DCUN1D4: variants seen among roughly 807,000 people sequenced by gnomAD.
DCUN1D4 encodes the protein DCN1-like protein 4.
In DCUN1D4, 22 loss-of-function variants were observed where a neutral mutation model predicts 47.9. That is an observed-to-expected ratio of 0.46 (90% confidence interval 0.33 to 0.66). The LOEUF (loss-of-function observed/expected upper bound fraction) is 0.66, where lower values mean the gene tolerates loss of function less well. DCUN1D4 is among the 30% of genes least tolerant of loss of function. The pLI is 0.02. For synonymous variants in DCUN1D4, 121 were observed against 112.2 expected, an observed-to-expected ratio of 1.08 and a Z score of -0.50; for missense variants, 301 against 340.8, an observed-to-expected ratio of 0.88 and a Z score of 0.92.
At chr4:51,887,050 A>G (rs1227214099) in intron 6 of DCUN1D4, 2 of 453,144 alleles carry the variant, frequency 4.4e-6, no homozygotes, top group African/African-American at 4.0e-5. Flanking sequence ...GATTGTAATC[A>G]TCAAGAATTT....
intron 7 of DCUN1D4, among the ~76,000 whole-genome samples, chr4:51,897,829 A>G (rs1291354917): frequency 6.6e-6 from 1 of 152,244 alleles, no homozygotes; most frequent in Non-Finnish European, 1.5e-5. Context: ...AGTTTCTACA[A>G]TCAAAAAGAG....
intron 1 of DCUN1D4, among the ~76,000 whole-genome samples, chr4:51,855,923 C>G (rs1430328377): frequency 6.6e-6 from 1 of 152,154 alleles, no homozygotes; most frequent in Non-Finnish European, 1.5e-5. Flanking sequence ...ACAGTGCAGC[C>G]TTGGCTTTAA....
intron 1 of DCUN1D4, chr4:51,843,552 C>T (rs891721670): frequency 7.3e-6 from 9 of 1,232,488 alleles, no homozygotes; most frequent in Non-Finnish European, 9.0e-6. Flanking sequence ...GCTGGACGTG[C>T]GATGAAGGGC....
chr4:51,878,406 T>G (rs1728020091), intron 5 of DCUN1D4, among the ~76,000 whole-genome samples: 2 of 152,166 alleles, frequency 1.3e-5, no homozygotes, highest in South Asian at 4.1e-4. Flanking sequence ...AAGAAAAAAT[T>G]TTCAAACAAG....
chr4:51,894,469 T>A (rs909713940), intron 7 of DCUN1D4, among the ~76,000 whole-genome samples: 1 of 148,504 alleles, frequency 6.7e-6, no homozygotes, highest in African/African-American at 2.5e-5. Flanking sequence ...TTCCAGGCCC[T>A]AGGGAATCAA....
chr4:51,866,810 G>A (rs1021285490), intron 3 of DCUN1D4, among the ~76,000 whole-genome samples: 1 of 152,178 alleles, frequency 6.6e-6, no homozygotes. Flanking sequence ...CAGTGGATAC[G>A]TCCAATACTG....
chr4:51,905,260 T>C (rs1732700710), intron 8 of DCUN1D4: 1 of 450,002 alleles, frequency 2.2e-6, no homozygotes, highest in Non-Finnish European at 4.5e-6. Flanking sequence ...TGTAGGATGA[T>C]GAGATTGAGA....
At chr4:51,837,593 T>G in the DCUN1D4 span, among the ~76,000 whole-genome samples, 1 of 134,174 alleles carries the variant, frequency 7.5e-6, no homozygotes, top group African/African-American at 2.9e-5. Context: ...AGGCGGAGCT[T>G]GCAGTGAGCG....
chr4:51,913,237 C>T, intron 9 of DCUN1D4, 53 bp from the exon 10 acceptor site: 2 of 1,127,478 alleles, frequency 1.8e-6, no homozygotes, highest in South Asian at 2.9e-5. Flanking sequence ...TTGAAACCGT[C>T]CCATTTGTTC....
At chr4:51,835,512 C>A in the DCUN1D4 span, among the ~76,000 whole-genome samples, 1 of 152,156 alleles carries the variant, frequency 6.6e-6, no homozygotes, top group Non-Finnish European at 1.5e-5. Context: ...GTTTAGGAAC[C>A]ACTGAGGTTG....
rs1410715448 is a variant in DCUN1D4, at chr4:51,863,511, A to C, written c.96+4A>C. ...CTACCACACCCTTAATAAGCTGGTA[A>C]GTCATTCTTTTAAAGACAAAATTAC... On this transcript the variant is annotated splice_donor_region_variant and intron_variant, in intron 2 of 10. Coordinates refer to ENST00000334635, the MANE Select transcript of DCUN1D4 (RefSeq NM_001040402.3). 1 of 1,609,964 alleles carries C rather than the reference A, an allele frequency of 6.2e-7. No individual in the cohort carries two copies.
chr4:51,841,094 A>T (rs943697572), upstream of DCUN1D4, among the ~76,000 whole-genome samples: 29 of 152,322 alleles, frequency 1.9e-4, no homozygotes, highest in Admixed American at 7.2e-4. Context: ...ACACATTATT[A>T]TAAAGTATGC....
chr4:51,868,312 G>A (rs527804363), intron 3 of DCUN1D4, among the ~76,000 whole-genome samples: 18 of 152,210 alleles, frequency 1.2e-4, no homozygotes, highest in South Asian at 2.1e-4. Context: ...TCCAAGCTCC[G>A]TGGAGTGTGC....
At chr4:51,840,442 T>C (rs997749096), upstream of DCUN1D4, among the ~76,000 whole-genome samples, 4 of 152,210 alleles carry the variant, frequency 2.6e-5, no homozygotes, top group Non-Finnish European at 2.9e-5. Flanking sequence ...TTAGACAGTG[T>C]GGTACAGGGG....
intron 8 of DCUN1D4, among the ~76,000 whole-genome samples, chr4:51,905,535 T>C (rs1012425945): frequency 6.6e-6 from 1 of 152,202 alleles, no homozygotes; most frequent in South Asian, 2.1e-4. Flanking sequence ...TATGGATTCT[T>C]TTAAATAAAG....
intron 1 of DCUN1D4, among the ~76,000 whole-genome samples, chr4:51,850,772 G>A (rs1723250272): frequency 6.6e-6 from 1 of 152,132 alleles, no homozygotes; most frequent in Admixed American, 6.5e-5. Context: ...GGGGTGGGGT[G>A]GAGGGTGTTG....
At chr4:51,886,165 C>T (rs958045069) in intron 5 of DCUN1D4, among the ~76,000 whole-genome samples, 2 of 152,158 alleles carry the variant, frequency 1.3e-5, no homozygotes, top group African/African-American at 4.8e-5. Flanking sequence ...GTAAAAGAAA[C>T]ATTTATGTTT....
At chr4:51,876,002 T>C (rs1028415413) in intron 4 of DCUN1D4, among the ~76,000 whole-genome samples, 4 of 152,182 alleles carry the variant, frequency 2.6e-5, no homozygotes, top group Admixed American at 1.3e-4. Flanking sequence ...CTACCTTTTA[T>C]AGAAGAAATA....
chr4:51,907,172 G>T (rs1733020545), intron 8 of DCUN1D4, among the ~76,000 whole-genome samples: 1 of 152,142 alleles, frequency 6.6e-6, no homozygotes, highest in South Asian at 2.1e-4. Flanking sequence ...GAATCAGATT[G>T]TACCAAATAA....
Sources: gnomAD v4.1 joint callset for allele counts (sites outside exome capture counted in the v4.1 genomes callset) on GRCh38, gnomAD v4.1.1 for gene constraint, MANE v1.5 for transcripts, NCBI Gene and HGNC (gene_info 2026-07-23, HGNC 2026-07-21) for gene names.